Variants in TAFA1 observed in about 807,000 individuals in gnomAD.
TAFA1 encodes the protein chemokine-like protein TAFA-1.
A neutral mutation model predicts 18.5 loss-of-function variants in TAFA1; 4 were observed. That is an observed-to-expected ratio of 0.22 (90% CI 0.11 to 0.49). TAFA1 has a LOEUF of 0.49. Ranked by LOEUF, TAFA1 falls within the 20% of genes least tolerant of loss-of-function variation. TAFA1 has a pLI of 0.98. For missense variants in TAFA1, 147 were observed against 169.0 expected, an observed-to-expected ratio of 0.87 and a Z score of 0.72; for synonymous variants, 56 against 55.2, an observed-to-expected ratio of 1.01 and a Z score of -0.06.
chr3:68,226,097 C>T (rs760050237), intron 2 of TAFA1, among the ~76,000 whole-genome samples: 2 of 152,144 alleles, frequency 1.3e-5, no homozygotes, highest in African/African-American at 2.4e-5. Context: ...AAAGAAAGAC[C>T]GACTGATTGA....
At chr3:68,354,688 G>T (rs1487753270) in intron 2 of TAFA1, among the ~76,000 whole-genome samples, 1 of 151,964 alleles carries the variant, frequency 6.6e-6, no homozygotes, top group Non-Finnish European at 1.5e-5. Context: ...AGTACTGGAG[G>T]CTAGAAAGTC....
At chr3:68,345,642 C>T (rs938854584) in intron 2 of TAFA1, among the ~76,000 whole-genome samples, 1 of 152,086 alleles carries the variant, frequency 6.6e-6, no homozygotes, top group Non-Finnish European at 1.5e-5. Flanking sequence ...CAGAGAAATA[C>T]CATCTCATTC....
intron 3 of TAFA1, among the ~76,000 whole-genome samples, chr3:68,447,619 G>T (rs1259821952): frequency 6.6e-6 from 1 of 152,190 alleles, no homozygotes; most frequent in East Asian, 1.9e-4. Context: ...GTGGATGGTA[G>T]TTGAAAATTT....
At chr3:68,315,552 C>A (rs12639498) in intron 2 of TAFA1, among the ~76,000 whole-genome samples, 7 of 152,110 alleles carry the variant, frequency 4.6e-5, no homozygotes, top group South Asian at 2.1e-4. Context: ...CTTTAAAAAT[C>A]AAAAATGTCA....
chr3:68,323,006 C>A (rs1374436885), intron 2 of TAFA1, among the ~76,000 whole-genome samples: 1 of 151,816 alleles, frequency 6.6e-6, no homozygotes, highest in African/African-American at 2.4e-5. Context: ...ATATCCCTAC[C>A]CCCAGGAAAA....
chr3:68,476,620 A>G (rs1052256309), intron 3 of TAFA1, among the ~76,000 whole-genome samples: 2 of 152,138 alleles, frequency 1.3e-5, no homozygotes, highest in African/African-American at 4.8e-5. Flanking sequence ...ATAGATATCT[A>G]TTTCTTATTC....
chr3:68,439,892 A>G (rs1406047069), intron 3 of TAFA1, among the ~76,000 whole-genome samples: 2 of 152,146 alleles, frequency 1.3e-5, no homozygotes, highest in Non-Finnish European at 2.9e-5. Context: ...TAATCTTCAA[A>G]TAAAGACAAT....
intron 2 of TAFA1, among the ~76,000 whole-genome samples, chr3:68,359,302 C>A (rs973816780): frequency 6.6e-6 from 1 of 151,940 alleles, no homozygotes; most frequent in Non-Finnish European, 1.5e-5. Context: ...AATGATCCCG[C>A]CAATGATACC....
chr3:68,443,186 G>A (rs901560920), intron 3 of TAFA1, among the ~76,000 whole-genome samples: 4 of 152,086 alleles, frequency 2.6e-5, no homozygotes, highest in African/African-American at 9.7e-5. Flanking sequence ...CAAGGGGCCT[G>A]AAAATTGCAG....
intron 3 of TAFA1, chr3:68,417,622 A>G: frequency 3.5e-6 from 2 of 578,588 alleles, no homozygotes; most frequent in Non-Finnish European, 5.9e-6. Flanking sequence ...CCCAAAAAAT[A>G]GATGTTGAAA....
intron 2 of TAFA1, among the ~76,000 whole-genome samples, chr3:68,340,533 C>G (rs1021847860): frequency 7.2e-5 from 11 of 152,184 alleles, no homozygotes; most frequent in African/African-American, 1.9e-4. Context: ...GACTCACCAT[C>G]GCACTCTACT....
intron 2 of TAFA1, among the ~76,000 whole-genome samples, chr3:68,285,376 TAATG>T (rs1333785903): frequency 1.3e-5 from 2 of 152,080 alleles, no homozygotes; most frequent in Non-Finnish European, 2.9e-5. Context: ...ATGTAAAAAT[TAATG>T]AAGATATACT....
At chr3:68,514,196 T>G (rs2072888929) in intron 3 of TAFA1, among the ~76,000 whole-genome samples, 1 of 152,174 alleles carries the variant, frequency 6.6e-6, no homozygotes, top group South Asian at 2.1e-4. Context: ...ATGTATGAAT[T>G]CTGGGGGAAC....
At chr3:68,321,837 A>G (rs1383705973) in intron 2 of TAFA1, among the ~76,000 whole-genome samples, 1 of 152,228 alleles carries the variant, frequency 6.6e-6, no homozygotes, top group African/African-American at 2.4e-5. Flanking sequence ...TAAAGGAAAC[A>G]GCCAACTGAA....
At chr3:68,251,189 G>C (rs1357431449) in intron 2 of TAFA1, among the ~76,000 whole-genome samples, 1 of 152,168 alleles carries the variant, frequency 6.6e-6, no homozygotes. Context: ...AGACCCTTGA[G>C]AGTGTGAGTG....
At chr3:68,066,528 C>T (rs1240329118) in intron 2 of TAFA1, among the ~76,000 whole-genome samples, 3 of 152,166 alleles carry the variant, frequency 2.0e-5, no homozygotes, top group Admixed American at 6.5e-5. Context: ...TGGTATATAT[C>T]TCAGACAGTT....
intron 2 of TAFA1, among the ~76,000 whole-genome samples, chr3:68,056,924 C>A (rs2064543986): frequency 6.6e-6 from 1 of 152,170 alleles, no homozygotes; most frequent in African/African-American, 2.4e-5. Context: ...CTGCTCACCC[C>A]TTGCAATACC....
chr3:68,495,998 C>CAAAAAAAAAAAAA (rs199520960), intron 3 of TAFA1, among the ~76,000 whole-genome samples: 5 of 107,534 alleles, frequency 4.6e-5, no homozygotes, highest in South Asian at 3.2e-4. Flanking sequence ...TTCCCTGAAG[C>CAAAAAAAAAAAAA]AAAAAAAAAA....
At chr3:68,125,181 A>T (rs1053132811) in intron 2 of TAFA1, among the ~76,000 whole-genome samples, 3 of 152,120 alleles carry the variant, frequency 2.0e-5, no homozygotes, top group Non-Finnish European at 2.9e-5. Flanking sequence ...TGTCTGTTTC[A>T]CCCTGGGTGA....
Sources: gnomAD v4.1 joint callset for allele counts (sites outside exome capture counted in the v4.1 genomes callset) on GRCh38, gnomAD v4.1.1 for gene constraint, MANE v1.5 for transcripts, NCBI Gene and HGNC (gene_info 2026-07-23, HGNC 2026-07-21) for gene names.